Variants in CA10 observed in about 807,000 individuals in gnomAD.
The protein encoded by CA10 is carbonic anhydrase 10 (inactive).
A neutral mutation model predicts 44.2 loss-of-function variants in CA10; 14 were observed. That is an observed-to-expected ratio of 0.32 (90% CI 0.21 to 0.50). The LOEUF is 0.50. Ranked by LOEUF, CA10 falls within the 20% of genes least tolerant of loss-of-function variation. The probability of loss-of-function intolerance (pLI) is 0.99; values close to 1 mark genes in which losing one functional copy is unlikely to be tolerated. For synonymous variants in CA10, 159 were observed against 141.6 expected (o/e 1.12, Z -0.87); for missense variants, 350 against 409.7 (o/e 0.85, Z 1.26).
At chr17:51,754,817 G>C (rs1406445445) in intron 3 of CA10, among the ~76,000 whole-genome samples, 1 of 151,958 alleles carries the variant, frequency 6.6e-6, no homozygotes, top group Non-Finnish European at 1.5e-5. Flanking sequence ...AATTCTATTT[G>C]CCTTCTTTAT....
intron 4 of CA10, among the ~76,000 whole-genome samples, chr17:51,669,012 G>A (rs1169189012): frequency 6.6e-6 from 1 of 152,216 alleles, no homozygotes; most frequent in Non-Finnish European, 1.5e-5. Flanking sequence ...TCCCTGTGGG[G>A]CAGGGCTGGG....
intron 3 of CA10, among the ~76,000 whole-genome samples, chr17:51,868,346 GT>G (rs1445446029): frequency 6.6e-6 from 1 of 152,100 alleles, no homozygotes. Flanking sequence ...ATAAATGCAT[GT>G]TTGTATTACT....
At chr17:52,119,069 C>A (rs532551030) in intron 1 of CA10, among the ~76,000 whole-genome samples, 104 of 152,320 alleles carry the variant, frequency 6.8e-4, no homozygotes, top group African/African-American at 2.5e-3. Flanking sequence ...TAGAACACTG[C>A]TGATCCTTGT....
chr17:51,704,819 C>T (rs981502120), intron 4 of CA10, among the ~76,000 whole-genome samples: 27 of 151,816 alleles, frequency 1.8e-4, no homozygotes, highest in African/African-American at 5.3e-4. Flanking sequence ...AAAAATTAGC[C>T]GGGTGTGATG....
chr17:51,673,485 T>C (rs1458808159), intron 4 of CA10, among the ~76,000 whole-genome samples: 1 of 152,196 alleles, frequency 6.6e-6, no homozygotes, highest in Non-Finnish European at 1.5e-5. Flanking sequence ...ATTTATAGAC[T>C]TGGGCGCCTA....
chr17:51,905,213 T>C (rs1196769935), intron 3 of CA10, among the ~76,000 whole-genome samples: 1 of 152,166 alleles, frequency 6.6e-6, no homozygotes, highest in Non-Finnish European at 1.5e-5. Flanking sequence ...CCTGTGGCAC[T>C]AAGACAGCTG....
chr17:51,671,509 G>A (rs530970200), intron 4 of CA10, among the ~76,000 whole-genome samples: 42 of 152,138 alleles, frequency 2.8e-4, no homozygotes, highest in Middle Eastern at 3.4e-3. Context: ...GGTTCACGCC[G>A]TTCTCCTGCC....
At chr17:51,749,998 C>G (rs1193856066) in intron 3 of CA10, among the ~76,000 whole-genome samples, 1 of 152,190 alleles carries the variant, frequency 6.6e-6, no homozygotes, top group Non-Finnish European at 1.5e-5. Flanking sequence ...GACTTCACTC[C>G]TGTTCTCCAG....
At chr17:51,649,656 C>T (rs760518918) in intron 5 of CA10, among the ~76,000 whole-genome samples, 1 of 152,126 alleles carries the variant, frequency 6.6e-6, no homozygotes, top group Non-Finnish European at 1.5e-5. Flanking sequence ...TTTACATACA[C>T]GGACATGGGG....
chr17:52,145,564 A>G (rs1567747936), intron 1 of CA10, among the ~76,000 whole-genome samples: 1 of 152,242 alleles, frequency 6.6e-6, no homozygotes, highest in East Asian at 1.9e-4. Context: ...TGCTCCAAGA[A>G]CAATACTTAA....
chr17:51,937,765 TA>T (rs1160789984), intron 2 of CA10, among the ~76,000 whole-genome samples: 2 of 152,026 alleles, frequency 1.3e-5, no homozygotes, highest in Non-Finnish European at 2.9e-5. Context: ...ATAATAAGGG[TA>T]TGTGTATATT....
At chr17:51,807,147 A>C (rs1032043780) in intron 3 of CA10, among the ~76,000 whole-genome samples, 7 of 152,154 alleles carry the variant, frequency 4.6e-5, no homozygotes, top group African/African-American at 1.4e-4. Flanking sequence ...CACGTCTGGG[A>C]CACTTGGGCA....
chr17:52,056,233 G>T (rs2143071633), intron 2 of CA10, among the ~76,000 whole-genome samples: 1 of 152,210 alleles, frequency 6.6e-6, no homozygotes, highest in South Asian at 2.1e-4. Context: ...ATTGGTGATT[G>T]GAAAGGCGAC....
rs534509074 is a variant in CA10, at chr17:51,977,359, T to C, written c.137-46227A>G. Among the ~76,000 whole-genome samples the C allele has an allele frequency of 3.3e-5, 5 of 151,990 alleles. No individual in the cohort carries two copies. The South Asian group carries it at 8.3e-4, about 25-fold the overall frequency. The stretch of plus-strand genomic sequence containing the variant: ...AGGTTCTATATAATGACTAAATGAA[T>C]TTAGTACAGGAATTCAAGCTTGGCT... On this transcript the variant is annotated intron_variant, in intron 2 of 8. Transcript: ENST00000451037.
At chr17:51,881,161 A>G (rs1267049738) in intron 3 of CA10, among the ~76,000 whole-genome samples, 1 of 149,806 alleles carries the variant, frequency 6.7e-6, no homozygotes, top group Non-Finnish European at 1.5e-5. Flanking sequence ...AATGGCGTGA[A>G]CCTGGGAGGC....
chr17:51,657,851 G>C (rs1405156331), intron 4 of CA10, among the ~76,000 whole-genome samples: 1 of 152,156 alleles, frequency 6.6e-6, no homozygotes, highest in East Asian at 1.9e-4. Context: ...CTCTTCGGGG[G>C]CTAATGATGA....
chr17:51,665,811 T>C (rs953437564), intron 4 of CA10, among the ~76,000 whole-genome samples: 9 of 152,242 alleles, frequency 5.9e-5, no homozygotes, highest in Non-Finnish European at 1.2e-4. Context: ...AGCCTGTCAT[T>C]GAAGGAAATC....
intron 3 of CA10, among the ~76,000 whole-genome samples, chr17:51,852,388 A>T (rs943102464): frequency 6.6e-6 from 1 of 152,132 alleles, no homozygotes; most frequent in Non-Finnish European, 1.5e-5. Context: ...TAATTTTCTG[A>T]AATATTTAGG....
At chr17:51,847,944 C>T (rs1055717835) in intron 3 of CA10, among the ~76,000 whole-genome samples, 4 of 152,152 alleles carry the variant, frequency 2.6e-5, no homozygotes, top group African/African-American at 7.2e-5. Flanking sequence ...CCTTCTGCAA[C>T]TTTATGTGCA....
Sources: gnomAD v4.1 joint callset for allele counts (sites outside exome capture counted in the v4.1 genomes callset) on GRCh38, gnomAD v4.1.1 for gene constraint, MANE v1.5 for transcripts, NCBI Gene and HGNC (gene_info 2026-07-23, HGNC 2026-07-21) for gene names.